MAPK10: variants seen among roughly 807,000 people sequenced by gnomAD.
The protein encoded by MAPK10 is JNK3 alpha protein kinase.
MAPK10 carries 25 observed loss-of-function variants against 59.3 expected under a neutral mutation model. The ratio of observed to expected loss-of-function variants is 0.42; its 90% CI spans 0.31 to 0.59. The LOEUF (loss-of-function observed/expected upper bound fraction) is 0.59, where lower values mean the gene tolerates loss of function less well. MAPK10 is among the 20% of genes least tolerant of loss of function. The probability of loss-of-function intolerance (pLI) is 0.15; values close to 1 mark genes in which losing one functional copy is unlikely to be tolerated. For missense variants in MAPK10, 351 were observed against 568.9 expected (o/e 0.62, Z 3.90); for synonymous variants, 190 against 200.5 (o/e 0.95, Z 0.44).
chr4:86,043,498 A>G (rs536932469), intron 11 of MAPK10, among the ~76,000 whole-genome samples: 3 of 152,308 alleles, frequency 2.0e-5, no homozygotes, highest in African/African-American at 4.8e-5. Context: ...CTAATGTTTT[A>G]TAGAGACTTG....
At chr4:86,449,138 C>T (rs966293463) in intron 1 of MAPK10, among the ~76,000 whole-genome samples, 4 of 151,974 alleles carry the variant, frequency 2.6e-5, no homozygotes, top group Non-Finnish European at 4.4e-5. Context: ...CAGCCTAGTT[C>T]CTGTACCAGT....
At chr4:86,300,017 T>C (rs1036637480) in intron 2 of MAPK10, among the ~76,000 whole-genome samples, 10 of 152,036 alleles carry the variant, frequency 6.6e-5, no homozygotes, top group African/African-American at 1.9e-4. Context: ...CTCAGCCTCC[T>C]GAGTAGCTGG....
At chr4:86,487,590 G>T (rs929946132) in intron 1 of MAPK10, among the ~76,000 whole-genome samples, 5 of 151,906 alleles carry the variant, frequency 3.3e-5, no homozygotes, top group Non-Finnish European at 4.4e-5. Context: ...AATTAGCCAG[G>T]CATGGTGGCA....
rs1241219382 is a variant in MAPK10 at position 86,013,099 on chromosome 4, C to T, written c.*4129G>A. On this transcript the variant is annotated 3_prime_UTR_variant, in exon 14 of 14. Coordinates refer to ENST00000641462, the MANE Select transcript of MAPK10 (RefSeq NM_138982.4). ...ACATATACAAGATTCTATATATAAA[C>T]AGAGGCCCCTCACTTCAGTTTGGCT... 6.6e-6 allele frequency: 1 copy of T among 152,096 alleles called. No individual in the cohort carries two copies. Among genetic ancestry groups the T allele is most frequent in the African/African-American group, 2.4e-5 (1 of 41,420 alleles). The allele number at this position is 152,096 out of a possible 1,614,324, so 9.4% of individuals were successfully genotyped here.
chr4:86,499,268 G>C (rs1420108921), intron 1 of MAPK10, among the ~76,000 whole-genome samples: 1 of 152,140 alleles, frequency 6.6e-6, no homozygotes, highest in East Asian at 1.9e-4. Context: ...TTATATTCCA[G>C]ATTATCACAA....
chr4:86,407,730 TAATAA>T (rs1286611330), intron 1 of MAPK10, among the ~76,000 whole-genome samples: 2 of 151,998 alleles, frequency 1.3e-5, no homozygotes, highest in Admixed American at 6.6e-5. Flanking sequence ...AGTATAAATG[TAATAA>T]AATATAAAAT....
chr4:86,245,308 C>T (rs1011161094), intron 2 of MAPK10, among the ~76,000 whole-genome samples: 1 of 144,044 alleles, frequency 6.9e-6, no homozygotes, highest in Non-Finnish European at 1.5e-5. Context: ...AGCACAAGTG[C>T]CAATTTTTTT....
chr4:86,084,946 C>T (rs1414197104), intron 9 of MAPK10, among the ~76,000 whole-genome samples: 1 of 152,118 alleles, frequency 6.6e-6, no homozygotes, highest in Non-Finnish European at 1.5e-5. Flanking sequence ...CAAATCCACA[C>T]ACCTACAGTG....
intron 1 of MAPK10, among the ~76,000 whole-genome samples, chr4:86,582,114 G>C (rs1489395582): frequency 6.6e-6 from 1 of 151,226 alleles, no homozygotes; most frequent in Non-Finnish European, 1.5e-5. Flanking sequence ...AAAAGTACAA[G>C]AAATCGTTTA....
intron 1 of MAPK10, among the ~76,000 whole-genome samples, chr4:86,547,094 TG>T (rs1253670984): frequency 6.6e-6 from 1 of 152,170 alleles, no homozygotes; most frequent in African/African-American, 2.4e-5. Flanking sequence ...GGCTGATTAT[TG>T]GAGTCAGAAG....
At chr4:86,042,944 T>C (rs141612743) in intron 11 of MAPK10, among the ~76,000 whole-genome samples, 1 of 152,252 alleles carries the variant, frequency 6.6e-6, no homozygotes, top group East Asian at 1.9e-4. Flanking sequence ...GACTCCAAGG[T>C]ATCTCATTAT....
intron 8 of MAPK10, 44 bp from the exon 9 acceptor site, chr4:86,098,639 AAAGTT>A (rs2054692024): frequency 7.2e-7 from 1 of 1,396,212 alleles, no homozygotes; most frequent in Non-Finnish European, 1.0e-6. Flanking sequence ...GGAGGAAAGT[AAAGTT>A]AACTAAGATA....
chr4:86,550,877 G>A (rs1320931443), intron 1 of MAPK10, among the ~76,000 whole-genome samples: 1 of 152,176 alleles, frequency 6.6e-6, no homozygotes, highest in Non-Finnish European at 1.5e-5. Context: ...ATCAGCACAT[G>A]CTTCCACAAG....
At chr4:86,244,204 G>C (rs1024795017) in intron 2 of MAPK10, among the ~76,000 whole-genome samples, 1 of 152,106 alleles carries the variant, frequency 6.6e-6, no homozygotes, top group East Asian at 1.9e-4. Flanking sequence ...AAAAGGAGGA[G>C]AGACAAAGTC....
At chr4:86,135,781 C>A (rs937737248) in intron 4 of MAPK10, among the ~76,000 whole-genome samples, 2 of 151,964 alleles carry the variant, frequency 1.3e-5, no homozygotes, top group African/African-American at 2.4e-5. Context: ...AAGTTGAAAA[C>A]TTTGAAAAAA....
Position 86,288,870 on chromosome 4 carries a change from G to C in MAPK10, c.-7+65660C>G, listed in dbSNP as rs547156639. 5.3e-5 allele frequency among the ~76,000 whole-genome samples: 8 copies of C among 151,260 alleles called. No homozygotes were observed. In the South Asian group the frequency reaches 1.7e-3, roughly 32 times the overall value. The stretch of plus-strand genomic sequence containing the variant: ...TTCTACAAATAATTATCAAGAACTT[G>C]ATATGTGCCAGGCACCATTCTAAGA... On this transcript the variant is annotated intron_variant, in intron 2 of 13. Transcript: ENST00000641462.
At chr4:86,024,751 T>A (rs1441274513) in intron 13 of MAPK10, 1 of 152,234 alleles carries the variant, frequency 6.6e-6, no homozygotes. Context: ...AATCACTTTG[T>A]TGCAGTTGTC....
chr4:86,426,632 C>T (rs955294416), intron 1 of MAPK10, among the ~76,000 whole-genome samples: 2 of 152,160 alleles, frequency 1.3e-5, no homozygotes, highest in Non-Finnish European at 2.9e-5. Context: ...ACCTGAAAAA[C>T]ACATCAGGAA....
chr4:86,405,296 C>G (rs975226244), intron 1 of MAPK10, among the ~76,000 whole-genome samples: 6 of 152,104 alleles, frequency 3.9e-5, no homozygotes, highest in African/African-American at 1.4e-4. Context: ...GTTGTTAAAA[C>G]TAAAGGAATT....
Sources: gnomAD v4.1 joint callset for allele counts (sites outside exome capture counted in the v4.1 genomes callset) on GRCh38, gnomAD v4.1.1 for gene constraint, MANE v1.5 for transcripts, NCBI Gene and HGNC (gene_info 2026-07-23, HGNC 2026-07-21) for gene names.